Variants in IFT74 observed in about 807,000 individuals in gnomAD.
IFT74 encodes the protein intraflagellar transport protein 74 homolog.
In IFT74, 92 loss-of-function variants were observed where a neutral mutation model predicts 96.7. The ratio of observed to expected loss-of-function variants is 0.95; its 90% confidence interval spans 0.80 to 1.13. The LOEUF (loss-of-function observed/expected upper bound fraction) is 1.13. Among genes scored for constraint, IFT74 ranks in the 50% most tolerant of loss-of-function variants. IFT74 has a pLI of 0.00. For synonymous variants in IFT74, 223 were observed against 213.2 expected (o/e 1.05, Z -0.40); for missense variants, 811 against 698.2 (o/e 1.16, Z -1.82).
chr9:27,014,123 A>G (rs111879427), intron 10 of IFT74, among the ~76,000 whole-genome samples: 2,753 of 152,152 alleles, frequency 0.018, 84 homozygotes, highest in African/African-American at 0.062. Context: ...GCTGAGGCAG[A>G]AGAATGGCAT....
intron 3 of IFT74, 102 bp downstream of exon 3, chr9:26,978,365 A>G (rs1466901743): frequency 4.9e-6 from 6 of 1,216,292 alleles, no homozygotes; most frequent in African/African-American, 3.1e-5. Flanking sequence ...ATTTTGAACA[A>G]TAAGTATTAC....
At chr9:27,061,307 C>CT (rs1279068076) in intron 19 of IFT74, among the ~76,000 whole-genome samples, 1 of 152,186 alleles carries the variant, frequency 6.6e-6, no homozygotes, top group Non-Finnish European at 1.5e-5. Flanking sequence ...AATGTCAACT[C>CT]TACTGCTTGT....
At chr9:26,978,407 T>G (rs1458766519) in intron 3 of IFT74, 144 bp downstream of exon 3, 1 of 750,724 alleles carries the variant, frequency 1.3e-6, no homozygotes, top group East Asian at 3.1e-5. Context: ...GATTATAGCA[T>G]GTAAGAATTA....
At chr9:27,001,482 A>G (rs572870638) in intron 8 of IFT74, among the ~76,000 whole-genome samples, 1 of 152,256 alleles carries the variant, frequency 6.6e-6, no homozygotes, top group Non-Finnish European at 1.5e-5. Flanking sequence ...ATTGCCTGTC[A>G]TATTGATAGA....
rs561252241 is a variant in IFT74, at chr9:27,011,257, GA to G, written c.727-643del. On this transcript the variant is annotated intron_variant, in intron 9 of 19. Transcript: ENST00000380062. ...ACAGAGCGAGACTCTGTCTCAAAAA[GA>G]AAAAAGAAAGAGTATGATAGAAATG... Among the ~76,000 whole-genome samples, 1,216 of 151,838 alleles carry G rather than the reference GA, an allele frequency of 8.0e-3. 16 individuals carry two copies. The highest frequency in any genetic ancestry group is 0.028 in the African/African-American group (1,143 of 41,460).
intron 8 of IFT74, among the ~76,000 whole-genome samples, chr9:26,991,669 C>T (rs1827881837): frequency 6.6e-6 from 1 of 151,652 alleles, no homozygotes; most frequent in African/African-American, 2.4e-5. Context: ...TGGTTTTAAT[C>T]CATTTAGCAA....
intron 13 of IFT74, among the ~76,000 whole-genome samples, chr9:27,032,375 C>T (rs1830167543): frequency 6.6e-6 from 1 of 152,178 alleles, no homozygotes; most frequent in East Asian, 1.9e-4. Context: ...GTTCAACGTG[C>T]CATTCATACC....
rs764687907 is a variant in IFT74 at position 26,995,586 on chromosome 9, C to T, written c.587+5391C>T. On this transcript the variant is annotated intron_variant, in intron 8 of 19. Coordinates refer to ENST00000380062, the MANE Select transcript of IFT74 (RefSeq NM_025103.4). ...TCTTCAATAAATCCATCATCATCTA[C>T]CACAAATGAATGTAATTGTTCAAAT... 3.7e-6 allele frequency: 6 copies of T among 1,602,414 alleles called. No homozygotes were observed. In the Admixed American group the frequency reaches 5.0e-5, roughly 13 times the overall value.
At chr9:26,966,154 G>A (rs986444203) in intron 2 of IFT74, among the ~76,000 whole-genome samples, 1 of 151,856 alleles carries the variant, frequency 6.6e-6, no homozygotes, top group Admixed American at 6.6e-5. Context: ...ACATAGGAAT[G>A]CAGGTATCTT....
chr9:26,997,944 A>G (rs1759246274), intron 8 of IFT74: 2 of 1,613,886 alleles, frequency 1.2e-6, no homozygotes, highest in Admixed American at 1.7e-5. Context: ...TGGCAGAGAT[A>G]TAACTGTTTT....
chr9:27,031,226 C>G (rs1441881600), intron 13 of IFT74, among the ~76,000 whole-genome samples: 1 of 152,116 alleles, frequency 6.6e-6, no homozygotes, highest in Non-Finnish European at 1.5e-5. Context: ...CGCCTGTAGT[C>G]CCAGCACTTT....
chr9:26,967,142 T>A lies in IFT74; in HGVS notation c.120+5055T>A, dbSNP rs535001468. On this transcript the variant is annotated intron_variant, in intron 2 of 19. Transcript: ENST00000380062. ...TTTTCTATTTTTGAGAAGAATGTCA[T>A]TGATATTTTGACAAGGATTGCATTG... is the stretch of plus-strand genomic sequence containing the variant. Among the ~76,000 whole-genome samples, 16 of 152,104 alleles carry A rather than the reference T, an allele frequency of 1.1e-4. 1 individual carries two copies. The East Asian group carries it at 3.1e-3, about 29-fold the overall frequency.
rs1191305922 is a variant in IFT74, at chr9:27,063,212, T to G, written c.*476T>G. On this transcript the variant is annotated 3_prime_UTR_variant, in exon 20 of 20. Transcript: ENST00000380062. ...CAAATAGGTTATATTTGATGTGTAT[T>G]AGACCATATAATGTCACAGGTAAAT... Among the ~76,000 whole-genome samples, 1 of 152,188 alleles carries G rather than the reference T, an allele frequency of 6.6e-6. No homozygotes were observed. The highest frequency in any genetic ancestry group is 1.5e-5 in the Non-Finnish European group (1 of 68,008).
intron 8 of IFT74, among the ~76,000 whole-genome samples, chr9:27,004,782 TG>T (rs1299366383): frequency 6.6e-6 from 1 of 152,162 alleles, no homozygotes; most frequent in African/African-American, 2.4e-5. Context: ...GAATAGAAGA[TG>T]GAATATCAGT....
intron 1 of IFT74, among the ~76,000 whole-genome samples, chr9:26,947,926 G>A (rs1244752238): frequency 1.3e-5 from 2 of 152,126 alleles, no homozygotes; most frequent in Non-Finnish European, 2.9e-5. Flanking sequence ...CACCCGTGGT[G>A]CTACTTGCTA....
Position 26,984,270 on chromosome 9 carries a change from G to T in IFT74, c.319G>T (p.Glu107Ter). Residue 107 changes from glutamate to a stop codon, truncating the protein, a stop_gained, in exon 5 of 20, where the codon GAA becomes TAA. Coordinates refer to ENST00000380062, the MANE Select transcript of IFT74 (RefSeq NM_025103.4). LOFTEE classifies it high-confidence loss of function. ...CTTTTCTAATAGAAGTAAAATAAGT[G>T]AACTTACAACTGAAGTTAATAAACT... ...YLGLLRSKISELTTEVNKLQK... is the reference protein window; with the variant it reads ...YLGLLRSKIS 1 of 1,563,748 alleles carries T rather than the reference G, an allele frequency of 6.4e-7. No individual in the cohort carries two copies. The highest frequency in any genetic ancestry group is 1.2e-5 in the South Asian group (1 of 83,668).
intron 12 of IFT74, among the ~76,000 whole-genome samples, chr9:27,021,358 A>T (rs945598951): frequency 2.6e-5 from 4 of 152,158 alleles, no homozygotes; most frequent in Non-Finnish European, 5.9e-5. Context: ...TCGTAGTGGG[A>T]TCGCTAGATC....
At chr9:27,049,988 C>G (rs893281483) in intron 16 of IFT74, among the ~76,000 whole-genome samples, 1 of 152,082 alleles carries the variant, frequency 6.6e-6, no homozygotes, top group African/African-American at 2.4e-5. Context: ...AACATGTAAG[C>G]TATATAAAAA....
At chr9:26,983,866 C>A in intron 4 of IFT74, 1 of 151,834 alleles carries the variant, frequency 6.6e-6, no homozygotes, top group Non-Finnish European at 1.4e-5. Context: ...TCACTACAGT[C>A]TCCACCTCCC....
Sources: allele counts gnomAD v4.1 joint callset (sites outside exome capture counted in the v4.1 genomes callset), GRCh38; gene constraint gnomAD v4.1.1; transcripts MANE v1.5; gene names NCBI Gene and HGNC (gene_info 2026-07-23, HGNC 2026-07-21).